The following SUPT3H variants were observed in gnomAD, a reference collection of about 807,000 sequenced individuals.
SUPT3H encodes the protein SPT3 homolog, SAGA and STAGA complex component, also known as transcription initiation protein SPT3 homolog.
SUPT3H carries 44 observed loss-of-function variants against 44.3 expected under a neutral mutation model. The observed-to-expected ratio is 0.99, with a 90% CI of 0.78 to 1.28. SUPT3H has a LOEUF of 1.28. Among genes scored for constraint, SUPT3H ranks in the 50% most tolerant of loss-of-function variants. The pLI, the probability that SUPT3H is intolerant of heterozygous loss-of-function variation, is 0.00. For missense variants in SUPT3H, 380 were observed against 387.1 expected (o/e 0.98, Z 0.15); for synonymous variants, 124 against 125.6 (o/e 0.99, Z 0.09).
intron 2 of SUPT3H, among the ~76,000 whole-genome samples, chr6:45,114,397 CGA>C (rs1462693945): frequency 6.6e-6 from 1 of 151,750 alleles, no homozygotes; most frequent in Non-Finnish European, 1.5e-5. Context: ...AACAGAATCA[CGA>C]AATGTATGCA....
At chr6:44,894,752 T>C (rs1360232236) in intron 10 of SUPT3H, among the ~76,000 whole-genome samples, 1 of 151,740 alleles carries the variant, frequency 6.6e-6, no homozygotes, top group Non-Finnish European at 1.5e-5. Context: ...TATATATTTA[T>C]TATATTTAAA....
Position 45,370,321 on chromosome 6 carries a change from C to A in SUPT3H, c.1-5020G>T, listed in dbSNP as rs952315371. On this transcript the variant is annotated intron_variant, in intron 1 of 10. Transcript: ENST00000371459. ...TGAGAGAAGCGCAGTCAAGGATGAC[C>A]GAATTCTGGAGCCTTAGAAACTGGT... is the stretch of plus-strand genomic sequence containing the variant. 2.0e-5 allele frequency among the ~76,000 whole-genome samples: 3 copies of A among 151,854 alleles called. No individual in the cohort carries two copies. The East Asian group carries it at 5.8e-4, about 29-fold the overall frequency.
At chr6:45,364,351 G>C (rs552652621) in intron 2 of SUPT3H, among the ~76,000 whole-genome samples, 1 of 152,272 alleles carries the variant, frequency 6.6e-6, no homozygotes, top group East Asian at 1.9e-4. Flanking sequence ...ATCACATAGT[G>C]ACGTTAATTC....
At chr6:45,066,671 GACAA>G (rs1172359925) in intron 3 of SUPT3H, among the ~76,000 whole-genome samples, 2 of 104,780 alleles carry the variant, frequency 1.9e-5, no homozygotes, top group East Asian at 2.6e-4. Context: ...ACCAACAACA[GACAA>G]ACAGAGAGCC....
chr6:45,232,263 TTTGA>T (rs891392193), intron 2 of SUPT3H, among the ~76,000 whole-genome samples: 7 of 152,332 alleles, frequency 4.6e-5, no homozygotes, highest in African/African-American at 1.7e-4. Flanking sequence ...CCCCTTTGGC[TTTGA>T]TTATCGGTGT....
intron 10 of SUPT3H, among the ~76,000 whole-genome samples, chr6:44,899,725 G>T (rs2153447365): frequency 6.6e-6 from 1 of 152,104 alleles, no homozygotes; most frequent in Non-Finnish European, 1.5e-5. Flanking sequence ...TTTCACAAGG[G>T]TTCCCACTCT....
chr6:44,948,305 A>G (rs1238760137), intron 9 of SUPT3H, among the ~76,000 whole-genome samples: 3 of 152,226 alleles, frequency 2.0e-5, no homozygotes, highest in Non-Finnish European at 4.4e-5. Flanking sequence ...AAACCTAGGC[A>G]ATACCATTCA....
At chr6:45,164,301 G>A (rs1287351784) in intron 2 of SUPT3H, among the ~76,000 whole-genome samples, 1 of 152,142 alleles carries the variant, frequency 6.6e-6, no homozygotes, top group African/African-American at 2.4e-5. Context: ...GACTCTACCA[G>A]GATGAGTAGT....
At chr6:45,179,734 C>T (rs1029410045) in intron 2 of SUPT3H, among the ~76,000 whole-genome samples, 4 of 152,162 alleles carry the variant, frequency 2.6e-5, no homozygotes, top group Non-Finnish European at 5.9e-5. Flanking sequence ...ATAGTAAGAG[C>T]TATCTATGAC....
chr6:45,321,096 T>G (rs1425850409), intron 2 of SUPT3H, among the ~76,000 whole-genome samples: 2 of 152,072 alleles, frequency 1.3e-5, no homozygotes, highest in Non-Finnish European at 2.9e-5. Context: ...AAAGTTAGGA[T>G]TTTCAAAAAT....
At chr6:45,159,900 C>T (rs538138965) in intron 2 of SUPT3H, among the ~76,000 whole-genome samples, 2 of 152,260 alleles carry the variant, frequency 1.3e-5, no homozygotes, top group African/African-American at 4.8e-5. Flanking sequence ...ACAGTTAAAA[C>T]ACACCCACAC....
chr6:45,376,221 G>A (rs1336076974), intron 1 of SUPT3H, among the ~76,000 whole-genome samples: 1 of 152,158 alleles, frequency 6.6e-6, no homozygotes, highest in Non-Finnish European at 1.5e-5. Flanking sequence ...ACAGACCCAT[G>A]GTCTGAACTG....
intron 2 of SUPT3H, among the ~76,000 whole-genome samples, chr6:45,231,135 T>C (rs959963512): frequency 3.3e-5 from 5 of 152,214 alleles, no homozygotes; most frequent in African/African-American, 1.2e-4. Context: ...TTTTCTGTGG[T>C]GATACCATTT....
At position 44,953,425 on chromosome 6, in the gene SUPT3H, A is replaced by G; in HGVS notation, c.694-8T>C. 4 of 1,610,688 alleles carry G rather than the reference A, an allele frequency of 2.5e-6. No individual in the cohort carries two copies. Among genetic ancestry groups the G allele is most frequent in the Non-Finnish European group, 3.4e-6 (4 of 1,177,000 alleles). ...AAGAGCCAGATCCACTAACTAGAAG[A>G]CCAGAAGAATGAAAGTCACATAGCT... On this transcript the variant is annotated splice_region_variant and splice_polypyrimidine_tract_variant and intron_variant, in intron 8 of 10. Coordinates refer to ENST00000371459, the MANE Select transcript of SUPT3H (RefSeq NM_003599.4).
At chr6:44,989,152 T>C (rs1465819697) in intron 6 of SUPT3H, among the ~76,000 whole-genome samples, 2 of 152,080 alleles carry the variant, frequency 1.3e-5, no homozygotes, top group Non-Finnish European at 2.9e-5. Flanking sequence ...AGATGACTGA[T>C]ATCCCAAGGA....
rs529125619 is a variant in SUPT3H, at chr6:45,352,258, C to T, written c.101+12943G>A. ...CTGACAATTTCAGCCTTAGAAAATA[C>T]AATAAAAAATATGAACCAAGGAGTA... On this transcript the variant is annotated intron_variant, in intron 2 of 10. Coordinates refer to ENST00000371459, the MANE Select transcript of SUPT3H (RefSeq NM_003599.4). Among the ~76,000 whole-genome samples, 350 of 152,116 alleles carry T rather than the reference C, an allele frequency of 2.3e-3. 1 individual carries two copies. The highest frequency in any genetic ancestry group is 3.8e-3 in the Non-Finnish European group (260 of 67,980).
chr6:45,138,302 A>G (rs1269934545), intron 2 of SUPT3H, among the ~76,000 whole-genome samples: 1 of 152,168 alleles, frequency 6.6e-6, no homozygotes, highest in Non-Finnish European at 1.5e-5. Flanking sequence ...CATTTTCTTA[A>G]TATGTTAAAC....
chr6:44,880,447 C>T (rs12200412), intron 10 of SUPT3H, among the ~76,000 whole-genome samples: 52,015 of 151,922 alleles, frequency 0.34, 9,690 homozygotes, highest in Admixed American at 0.42. Flanking sequence ...CAAACCTACA[C>T]TTGATTGGTG....
intron 10 of SUPT3H, among the ~76,000 whole-genome samples, chr6:44,834,373 A>G (rs766169069): frequency 1.3e-4 from 20 of 152,160 alleles, no homozygotes; most frequent in Admixed American, 6.5e-5. Flanking sequence ...CAGATGGGTT[A>G]CCTGTATCTC....
Sources: gnomAD v4.1 joint callset for allele counts (sites outside exome capture counted in the v4.1 genomes callset) on GRCh38, gnomAD v4.1.1 for gene constraint, MANE v1.5 for transcripts, NCBI Gene and HGNC (gene_info 2026-07-23, HGNC 2026-07-21) for gene names.